MYO18B: variants seen among roughly 807,000 people sequenced by gnomAD.
The protein encoded by MYO18B is myosin XVIIIB, also known as unconventional myosin-XVIIIb.
Under a neutral mutation model 273.0 loss-of-function variants are expected in MYO18B, and 204 were observed. That is an observed-to-expected ratio of 0.75 (90% CI 0.67 to 0.84). The LOEUF (loss-of-function observed/expected upper bound fraction) is 0.84, where lower values mean the gene tolerates loss of function less well. MYO18B is among the 40% of genes least tolerant of loss of function. The pLI, the probability that MYO18B is intolerant of heterozygous loss-of-function variation, is 0.00. For missense variants in MYO18B, 3,212 were observed against 3,287.6 expected (o/e 0.98, Z 0.56); for synonymous variants, 1,330 against 1,305.7 (o/e 1.02, Z -0.40).
chr22:25,747,009 C>T (rs2085799130), intron 1 of MYO18B, among the ~76,000 whole-genome samples: 1 of 152,156 alleles, frequency 6.6e-6, no homozygotes, highest in Non-Finnish European at 1.5e-5. Context: ...GTAGTCCCAG[C>T]TACTCGGGAG....
chr22:25,852,471 A>G lies in MYO18B; in HGVS notation c.3885+892A>G, dbSNP rs992398335. Among the ~76,000 whole-genome samples the G allele has an allele frequency of 2.6e-5, 4 of 152,154 alleles. No individual in the cohort carries two copies. The East Asian group carries it at 5.8e-4, about 22-fold the overall frequency. The stretch of plus-strand genomic sequence containing the variant: ...TGTCCCTGTGTGTCTTCTTTCTCCA[A>G]CTACACCGTAAACTCATGGAATCTC... On this transcript the variant is annotated intron_variant, in intron 21 of 43. Coordinates refer to ENST00000335473, the MANE Select transcript of MYO18B (RefSeq NM_032608.7).
At chr22:25,909,961 G>C (rs2092123845) in intron 32 of MYO18B, among the ~76,000 whole-genome samples, 1 of 152,284 alleles carries the variant, frequency 6.6e-6, no homozygotes. Context: ...CCGTGAAATA[G>C]GATCTCTGAT....
Position 25,874,360 on chromosome 22 carries a change from C to T in MYO18B, c.4026C>T (p.Leu1342=), listed in dbSNP as rs1359103180. ...REKLVSQSIV[L]FQAACKGFLS... ...AGCTGGTATCTCAGAGCATCGTTCT[C>T]TTCCAGGCGGCTTGCAAGGGCTTTC... Residue 1342 remains leucine (L), a synonymous_variant, in exon 23 of 44, where the codon CTC becomes CTT. Transcript: ENST00000335473. 6.2e-7 allele frequency: 1 copy of T among 1,613,994 alleles called. No homozygotes were observed. The highest frequency in any genetic ancestry group is 1.1e-5 in the South Asian group (1 of 91,082).
intron 38 of MYO18B, among the ~76,000 whole-genome samples, chr22:25,952,652 C>T (rs1223830161): frequency 6.6e-6 from 1 of 152,182 alleles, no homozygotes; most frequent in African/African-American, 2.4e-5. Context: ...CATCTCCTTC[C>T]ACCATCATGG....
At chr22:26,014,292 T>C (rs531596014) in intron 42 of MYO18B, among the ~76,000 whole-genome samples, 25 of 152,326 alleles carry the variant, frequency 1.6e-4, no homozygotes, top group Middle Eastern at 3.4e-3. Flanking sequence ...TACACAACAG[T>C]ATAAATTTGT....
chr22:25,799,661 T>C (rs1426453117), intron 12 of MYO18B, among the ~76,000 whole-genome samples: 2 of 152,234 alleles, frequency 1.3e-5, no homozygotes, highest in Non-Finnish European at 2.9e-5. Flanking sequence ...TGGTGCATCC[T>C]TTCCGTCATC....
Position 25,769,367 on chromosome 22 carries a change from AC to A in MYO18B, c.1453del (p.Gln485LysfsTer46), listed in dbSNP as rs1240061089. ...DAERPRIRKE[N>X]QDGPAPQEEG... ...GAAAGGCCTCGGATACGGAAGGAGA[AC>A]CAAGACGGGCCAGCCCCGCAGGAGG... On this transcript the variant is annotated frameshift_variant, in exon 4 of 44. Transcript: ENST00000335473. LOFTEE classifies it high-confidence loss of function. 32 of 1,575,504 alleles carry A rather than the reference AC, an allele frequency of 2.0e-5. No individual in the cohort carries two copies. The highest frequency in any genetic ancestry group is 2.8e-5 in the Non-Finnish European group (32 of 1,161,142).
rs560456298 is a variant in MYO18B, at chr22:26,027,140, C to T, written c.7166C>T (p.Ser2389Phe). Residue 2389 changes from serine (S) to phenylalanine (F), a missense_variant, in exon 43 of 44, where the codon TCC becomes TTC. Transcript: ENST00000335473. The surrounding 1 kb of genome is among the most constrained non-coding windows in gnomAD (Gnocchi z 4.1). ...CGTCCTCGGAGGCGGTGTCTGGAGT[C>T]CTCTGTGGACGATGCGGGCTGTCCA... ...TLRPRRRCLE[S>F]SVDDAGCPDL... The T allele has an allele frequency of 2.5e-5, 40 of 1,613,998 alleles. 1 individual carries two copies. The South Asian group carries it at 4.2e-4, about 17-fold the overall frequency.
At chr22:25,786,424 C>T (rs983080790) in intron 11 of MYO18B, among the ~76,000 whole-genome samples, 1 of 151,520 alleles carries the variant, frequency 6.6e-6, no homozygotes, top group Non-Finnish European at 1.5e-5. Flanking sequence ...AATTTCCACT[C>T]CAAAGCCTCT....
At chr22:25,882,665 A>G (rs2091375573) in intron 25 of MYO18B, among the ~76,000 whole-genome samples, 1 of 152,208 alleles carries the variant, frequency 6.6e-6, no homozygotes, top group African/African-American at 2.4e-5. Context: ...TATCTTCCTC[A>G]AATCTTTCTC....
At chr22:25,992,805 G>A (rs1010382473) in intron 40 of MYO18B, among the ~76,000 whole-genome samples, 7 of 152,178 alleles carry the variant, frequency 4.6e-5, no homozygotes, top group Non-Finnish European at 1.0e-4. Flanking sequence ...TCTCTCATCT[G>A]TAAAATGGGC....
chr22:25,866,951 G>A (rs1478639775), intron 21 of MYO18B, among the ~76,000 whole-genome samples: 1 of 151,832 alleles, frequency 6.6e-6, no homozygotes. Context: ...AATGAGAGAA[G>A]CATAGAGCGG....
At chr22:25,758,725 G>A (rs1239875481) in intron 1 of MYO18B, among the ~76,000 whole-genome samples, 1 of 151,922 alleles carries the variant, frequency 6.6e-6, no homozygotes, top group South Asian at 2.1e-4. Context: ...CAGTAAATGG[G>A]CATGAAAAGA....
intron 33 of MYO18B, among the ~76,000 whole-genome samples, chr22:25,913,509 G>A (rs1042140372): frequency 4.6e-5 from 7 of 152,182 alleles, no homozygotes; most frequent in East Asian, 1.9e-4. Flanking sequence ...GACTACAGGC[G>A]CCCGCCACCA....
chr22:25,961,532 A>G (rs1182399196), intron 39 of MYO18B, among the ~76,000 whole-genome samples: 1 of 152,196 alleles, frequency 6.6e-6, no homozygotes, highest in African/African-American at 2.4e-5. Context: ...GCCATTATGG[A>G]GAAAATAATA....
In MYO18B at chr22:25,777,648, G is replaced by A. The variant is rs1469935655; in HGVS notation, c.1935G>A (p.Trp645Ter). The A allele has an allele frequency of 6.2e-7, 1 of 1,612,546 alleles. No homozygotes were observed. Among genetic ancestry groups the A allele is most frequent in the Admixed American group, 1.7e-5 (1 of 59,870 alleles). Residue 645 changes from tryptophan (W) to a stop codon, truncating the protein, a stop_gained, in exon 8 of 44, where the codon TGG becomes TGA. Coordinates refer to ENST00000335473, the MANE Select transcript of MYO18B (RefSeq NM_032608.7). LOFTEE classifies it high-confidence loss of function. ...GCTCCATGGCACAGCGGGCATACTG[G>A]GCGCTGCTGAACCAGCGGAGAGACC... The part of the protein sequence containing the change: ...HIGSMAQRAY[W>*]ALLNQRRDQS...
In MYO18B at chr22:25,795,122, C is replaced by T. The variant is rs528509858; in HGVS notation, c.2377-2831C>T. 1.2e-4 allele frequency among the ~76,000 whole-genome samples: 18 copies of T among 152,292 alleles called. No homozygotes were observed. The South Asian group carries it at 2.9e-3, about 25-fold the overall frequency. On this transcript the variant is annotated intron_variant, in intron 11 of 43. Coordinates refer to ENST00000335473, the MANE Select transcript of MYO18B (RefSeq NM_032608.7). Reference sequence around the variant, plus strand: ...TTTTCATTGCTGTGTAGTGCTCCATCGCTGTGCTCTGGGTATACCACTCTT... The same window carrying T: ...TTTTCATTGCTGTGTAGTGCTCCATTGCTGTGCTCTGGGTATACCACTCTT...
In MYO18B at chr22:25,777,684, G is replaced by T. The variant is rs775081355; in HGVS notation, c.1971G>T (p.Val657=). Residue 657 remains valine (V), a synonymous_variant, in exon 8 of 44, where the codon GTG becomes GTT. Transcript: ENST00000335473. ...ACCAGCGGAGAGACCAGAGCATTGT[G>T]GCCCTGGGCTGGAGTGGCGCTGGGA... ...LLNQRRDQSI[V]ALGWSGAGKT... is the part of the protein sequence containing the mutation. The T allele has an allele frequency of 3.2e-5, 51 of 1,613,092 alleles. No homozygotes were observed. Among genetic ancestry groups the T allele is most frequent in the Middle Eastern group, 1.6e-4 (1 of 6,076 alleles).
chr22:25,837,783 C>T (rs1208769252), intron 17 of MYO18B, among the ~76,000 whole-genome samples: 2 of 152,232 alleles, frequency 1.3e-5, no homozygotes, highest in African/African-American at 4.8e-5. Flanking sequence ...GAGCTCGGCT[C>T]TGCCAGTGAC....
Sources: allele counts gnomAD v4.1 joint callset (sites outside exome capture counted in the v4.1 genomes callset), GRCh38; gene constraint gnomAD v4.1.1; non-coding constraint Gnocchi (gnomAD v3.1); transcripts MANE v1.5; gene names NCBI Gene and HGNC (gene_info 2026-07-23, HGNC 2026-07-21).